Variants in RIPOR3 observed in about 807,000 individuals in gnomAD.
The protein encoded by RIPOR3 is RIPOR family member 3, also known as family with sequence similarity 65 member C.
Under a neutral mutation model 114.3 loss-of-function variants are expected in RIPOR3, and 95 were observed. The ratio of observed to expected loss-of-function variants is 0.83; its 90% confidence interval spans 0.70 to 0.99. RIPOR3 has a LOEUF of 0.99. Among genes scored for constraint, RIPOR3 ranks in the 50% least tolerant of loss-of-function variants. RIPOR3 has a pLI of 0.00. For missense variants in RIPOR3, 1,252 were observed against 1,266.9 expected (o/e 0.99, Z 0.18); for synonymous variants, 575 against 543.8 (o/e 1.06, Z -0.80).
chr20:50,680,318 C>T (rs903620058), intron 1 of RIPOR3, among the ~76,000 whole-genome samples: 1 of 152,220 alleles, frequency 6.6e-6, no homozygotes, highest in African/African-American at 2.4e-5. Context: ...AAATGATCCA[C>T]AGGACCCCTT....
chr20:50,602,290 G>GAGA lies in RIPOR3; in HGVS notation c.1440_1441insTCT (p.Ser480dup), dbSNP rs765370813. ...AACAGGGAGCCCTGTGGCAGGCTGGGGCTCTCCCCTCCTAAGTTCCTCCAG... is the reference window on the plus strand; with the variant it reads ...AACAGGGAGCCCTGTGGCAGGCTGGGAGAGCTCTCCCCTCCTAAGTTCCTCCAG... On this transcript the variant is annotated inframe_insertion, in exon 13 of 22. Transcript: ENST00000327979. The surrounding 1 kb of genome is among the most constrained non-coding windows in gnomAD (Gnocchi z 4.3). The GAGA allele has an allele frequency of 2.1e-4, 345 of 1,613,750 alleles. 2 individuals are homozygous for GAGA. The highest frequency in any genetic ancestry group is 2.9e-4 in the Non-Finnish European group (340 of 1,179,948).
chr20:50,666,226 T>TCTCTTCTCTTCTCTTCTCTTCTCTTCTC (rs1555873214), intron 1 of RIPOR3, among the ~76,000 whole-genome samples: 2 of 139,828 alleles, frequency 1.4e-5, no homozygotes, highest in Non-Finnish European at 3.1e-5. Context: ...TCTTTTCTTT[T>TCTCTTCTCTTCTCTTCTCTTCTCTTCTC]TTGAGACGGA....
chr20:50,636,766 C>G (rs2085003796), intron 1 of RIPOR3: 1 of 985,526 alleles, frequency 1.0e-6, no homozygotes, highest in South Asian at 4.7e-5. Flanking sequence ...GAAGCAGAGT[C>G]TACTCCCGCT....
chr20:50,591,314 C>G (rs560608299), intron 19 of RIPOR3, among the ~76,000 whole-genome samples: 5 of 152,262 alleles, frequency 3.3e-5, no homozygotes, highest in Non-Finnish European at 7.4e-5. Context: ...TGAAAGAATT[C>G]TTAACCTTTT....
Position 50,597,626 on chromosome 20 carries a change from A to C in RIPOR3, c.1744T>G (p.Phe582Val). 6.2e-7 allele frequency: 1 copy of C among 1,612,098 alleles called. No individual in the cohort carries two copies. The change falls in exon 14 of 22, where the codon TTC (phenylalanine) becomes GTC (valine). Residue 582 changes from phenylalanine (F) to valine (V), a missense_variant. Transcript: ENST00000327979. ...LESFAFLNAD[F>V]ALDELSLFGG... is the part of the protein sequence containing the mutation. ...AACAGGGACAGCTCATCCAGGGCGA[A>C]GTCGGCATTGAGGAAGGCGAAGCTC...
At chr20:50,674,155 A>G (rs2086615603) in intron 1 of RIPOR3, among the ~76,000 whole-genome samples, 1 of 152,126 alleles carries the variant, frequency 6.6e-6, no homozygotes, top group South Asian at 2.1e-4. Context: ...GCCAGGAAAG[A>G]GCATATGTCT....
At chr20:50,639,020 T>C (rs1020793767) in intron 1 of RIPOR3, among the ~76,000 whole-genome samples, 4 of 152,084 alleles carry the variant, frequency 2.6e-5, no homozygotes, top group African/African-American at 9.7e-5. Context: ...GGTGGGTGGA[T>C]AACTTGAGGT....
chr20:50,632,495 G>A (rs1220214580), intron 1 of RIPOR3, among the ~76,000 whole-genome samples: 2 of 152,206 alleles, frequency 1.3e-5, no homozygotes, highest in Non-Finnish European at 2.9e-5. Context: ...GAAGTGAGCG[G>A]CTTCTAGCCC....
At chr20:50,638,323 C>T (rs185007594) in intron 1 of RIPOR3, among the ~76,000 whole-genome samples, 1,607 of 152,324 alleles carry the variant, frequency 0.011, 28 homozygotes, top group African/African-American at 0.037. Flanking sequence ...GCCTCCTGAC[C>T]GCAGAATAGT....
At chr20:50,623,358 T>C (rs565926417) in intron 2 of RIPOR3, among the ~76,000 whole-genome samples, 1 of 151,986 alleles carries the variant, frequency 6.6e-6, no homozygotes, top group South Asian at 2.1e-4. Flanking sequence ...CCAAGGGGAT[T>C]AGAGAACAGA....
At chr20:50,655,875 T>C (rs2123429425) in intron 1 of RIPOR3, among the ~76,000 whole-genome samples, 1 of 152,136 alleles carries the variant, frequency 6.6e-6, no homozygotes, top group East Asian at 1.9e-4. Flanking sequence ...ATTGTTTCTT[T>C]CCCTTTTTAT....
rs938579097 is a variant in RIPOR3, at chr20:50,593,291, G to A, written c.2213-95C>T. 3.5e-6 allele frequency: 5 copies of A among 1,428,278 alleles called. No homozygotes were observed. In the Admixed American group the frequency reaches 9.2e-5, roughly 26 times the overall value. 88.5% of individuals were successfully genotyped at this position (1,428,278 alleles called of 1,614,324 possible). Reference sequence around the variant, plus strand: ...GCCTGGTCAGCTAAAAGGCTTTCTGGGCCGGGCGCAGTGGCTCGCACCTGT... The same window carrying A: ...GCCTGGTCAGCTAAAAGGCTTTCTGAGCCGGGCGCAGTGGCTCGCACCTGT... On this transcript the variant is annotated intron_variant, in intron 17 of 21. Transcript: ENST00000327979.
chr20:50,589,201 C>A (rs1444024182), intron 20 of RIPOR3, among the ~76,000 whole-genome samples: 1 of 151,226 alleles, frequency 6.6e-6, no homozygotes, highest in Non-Finnish European at 1.5e-5. Flanking sequence ...TAAATGCTCA[C>A]ACACACCCAC....
At chr20:50,601,993 C>T (rs1321775028) in intron 13 of RIPOR3, 79 bp downstream of exon 13, 21 of 1,355,928 alleles carry the variant, frequency 1.5e-5, no homozygotes, top group East Asian at 1.5e-4. Flanking sequence ...GCCCAGGCTG[C>T]GTGGCCCCAG....
chr20:50,686,786 G>A lies in RIPOR3; in HGVS notation c.3+4340C>T, dbSNP rs576350994. Among the ~76,000 whole-genome samples the A allele has an allele frequency of 5.9e-5, 9 of 151,992 alleles. No individual in the cohort carries two copies. The East Asian group carries it at 7.7e-4, about 13-fold the overall frequency. On this transcript the variant is annotated intron_variant, in intron 1 of 21. Transcript: ENST00000327979. ...AAGAAAGAAAGAAAAAAAAGTGCAC[G>A]TTTTTTAGTTCTCTTTTAAACTGCT...
chr20:50,609,174 G>A, intron 8 of RIPOR3, 119 bp downstream of exon 8: 2 of 1,354,800 alleles, frequency 1.5e-6, no homozygotes, highest in Non-Finnish European at 2.0e-6. Flanking sequence ...CATGTCACAT[G>A]GATGCAAAAG....
chr20:50,616,949 T>C (rs565510942), intron 3 of RIPOR3, among the ~76,000 whole-genome samples: 1 of 152,282 alleles, frequency 6.6e-6, no homozygotes, highest in Admixed American at 6.5e-5. Flanking sequence ...GAGACCATCC[T>C]GGCTAACACA....
At chr20:50,625,659 C>T (rs770776344) in intron 2 of RIPOR3, among the ~76,000 whole-genome samples, 2 of 152,128 alleles carry the variant, frequency 1.3e-5, no homozygotes, top group Admixed American at 6.5e-5. Flanking sequence ...GCTCCTGGCT[C>T]GGGGAGTACC....
intron 1 of RIPOR3, among the ~76,000 whole-genome samples, chr20:50,655,585 C>G (rs896231230): frequency 2.0e-5 from 3 of 152,120 alleles, no homozygotes; most frequent in African/African-American, 7.2e-5. Flanking sequence ...TTTTGGAAAG[C>G]TGCGCCTGTA....
Sources: gnomAD v4.1 joint callset for allele counts (sites outside exome capture counted in the v4.1 genomes callset) on GRCh38, gnomAD v4.1.1 for gene constraint, Gnocchi (gnomAD v3.1) non-coding constraint, MANE v1.5 for transcripts, NCBI Gene and HGNC (gene_info 2026-07-23, HGNC 2026-07-21) for gene names.